The following MAP3K14 variants were observed in gnomAD, a reference collection of about 807,000 sequenced individuals.
MAP3K14 encodes the protein NF-kappa-beta-inducing kinase.
Under a neutral mutation model 99.2 loss-of-function variants are expected in MAP3K14, and 16 were observed. The ratio of observed to expected loss-of-function variants is 0.16; its 90% confidence interval spans 0.11 to 0.24. MAP3K14 has a LOEUF of 0.24. Ranked by LOEUF, MAP3K14 falls within the 10% of genes least tolerant of loss-of-function variation. MAP3K14 has a pLI of 1.00. For synonymous variants in MAP3K14, 462 were observed against 492.4 expected (o/e 0.94, Z 0.82); for missense variants, 784 against 1,208.7 (o/e 0.65, Z 5.21).
At chr17:45,300,688 C>T (rs961898575) in intron 1 of MAP3K14, among the ~76,000 whole-genome samples, 3 of 152,180 alleles carry the variant, frequency 2.0e-5, no homozygotes, top group African/African-American at 7.2e-5. Flanking sequence ...CCTCTATCCT[C>T]ATCCTCCTCC....
At chr17:45,299,708 T>C (rs1356285907) in intron 1 of MAP3K14, among the ~76,000 whole-genome samples, 2 of 152,170 alleles carry the variant, frequency 1.3e-5, no homozygotes, top group Non-Finnish European at 2.9e-5. Flanking sequence ...CATTTCCCAT[T>C]AAGGAGGATA....
chr17:45,287,454 C>T, intron 3 of MAP3K14, 90 bp from the exon 4 acceptor site: 2 of 1,106,478 alleles, frequency 1.8e-6, no homozygotes. Context: ...TCCTGCAGAT[C>T]CAAGGTCAAA....
intron 3 of MAP3K14, 108 bp from the exon 4 acceptor site, chr17:45,287,472 T>C: frequency 1.1e-6 from 1 of 885,510 alleles, no homozygotes; most frequent in South Asian, 1.7e-5. Context: ...AAATCCCAGG[T>C]TGCCATTCCT....
chr17:45,291,730 T>G (rs927521957), intron 1 of MAP3K14, among the ~76,000 whole-genome samples: 4 of 152,172 alleles, frequency 2.6e-5, no homozygotes, highest in African/African-American at 7.2e-5. Flanking sequence ...TGGGAGTTTT[T>G]AAAGGGCAGG....
intron 1 of MAP3K14, among the ~76,000 whole-genome samples, chr17:45,296,541 AG>A (rs2044347818): frequency 1.3e-5 from 2 of 151,842 alleles, no homozygotes; most frequent in African/African-American, 4.8e-5. Context: ...AAAGAAAAGG[AG>A]GGGAAAAAAA....
chr17:45,267,782 G>A lies in MAP3K14; in HGVS notation c.1973-23C>T, dbSNP rs373213575. 8 of 1,586,224 alleles carry A rather than the reference G, an allele frequency of 5.0e-6. No homozygotes were observed. In the African/African-American group the frequency reaches 8.1e-5, roughly 16 times the overall value. The stretch of plus-strand genomic sequence containing the variant: ...CCACTAGAAAACAGAGAGTACAATG[G>A]TGAGGGGAAGCGTGCTGTGCACAGA... On this transcript the variant is annotated intron_variant, in intron 11 of 15. Coordinates refer to ENST00000344686, the MANE Select transcript of MAP3K14 (RefSeq NM_003954.5). The surrounding 1 kb of genome is among the most constrained non-coding windows in gnomAD (Gnocchi z 5.1).
intron 1 of MAP3K14, among the ~76,000 whole-genome samples, chr17:45,293,384 G>A (rs1259233284): frequency 6.6e-6 from 1 of 152,192 alleles, no homozygotes; most frequent in Non-Finnish European, 1.5e-5. Flanking sequence ...GGCATCCCGA[G>A]TCCCAGAGTT....
Position 45,273,528 on chromosome 17 carries a change from A to C in MAP3K14, c.1632T>G (p.Asp544Glu). 6.2e-7 allele frequency: 1 copy of C among 1,612,522 alleles called. No individual in the cohort carries two copies. ...DFGHAVCLQP[D>E]GLGKSLLTGD... ...CTGTGAGCAAGGACTTTCCCAGGCC[A>C]TCAGGTTGAAGACACACAGCATGGC... The change falls in exon 9 of 16, where the codon GAT (aspartate) becomes GAG (glutamate). Residue 544 changes from aspartate (D) to glutamate (E), a missense_variant. Asp to Glu is a conservative substitution (Grantham distance 45). Around this residue, in one of 5 missense-constraint regions of MAP3K14, gnomAD observed 200 missense variants for 367.9 expected, o/e 0.54. Coordinates refer to ENST00000344686, the MANE Select transcript of MAP3K14 (RefSeq NM_003954.5).
At chr17:45,297,788 T>C (rs567848769) in intron 1 of MAP3K14, among the ~76,000 whole-genome samples, 2 of 151,200 alleles carry the variant, frequency 1.3e-5, no homozygotes, top group East Asian at 3.9e-4. Flanking sequence ...GGCACAATCT[T>C]GGCTCACTGC....
At chr17:45,280,887 A>G (rs9906671) in intron 6 of MAP3K14, among the ~76,000 whole-genome samples, 5,336 of 152,272 alleles carry the variant, frequency 0.035, 317 homozygotes, top group African/African-American at 0.12. Context: ...CTGGGATTAC[A>G]GGCGTGAGCT....
In MAP3K14 at chr17:45,267,360, CCAGGGCCAGTGCT is replaced by C; in HGVS notation, c.2326+33_2326+45del. 2 of 1,536,818 alleles carry C rather than the reference CCAGGGCCAGTGCT, an allele frequency of 1.3e-6. No homozygotes were observed. The highest frequency in any genetic ancestry group is 1.8e-6 in the Non-Finnish European group (2 of 1,136,892). On this transcript the variant is annotated intron_variant, in intron 12 of 15. Coordinates refer to ENST00000344686, the MANE Select transcript of MAP3K14 (RefSeq NM_003954.5). This position sits in a 1 kb window ranked among gnomAD's most constrained non-coding sequence, Gnocchi z 5.1. ...AGAAACACCGGCCTCCGCGGGTGGC[CCAGGGCCAGTGCT>C]CAGGGCCCCACTGCAGCCACGGCTG...
intron 1 of MAP3K14, among the ~76,000 whole-genome samples, chr17:45,296,385 C>A (rs1317871529): frequency 6.6e-6 from 1 of 152,010 alleles, no homozygotes; most frequent in Non-Finnish European, 1.5e-5. Context: ...ATTAGCCAGG[C>A]ATGGTGGCAC....
intron 1 of MAP3K14, among the ~76,000 whole-genome samples, chr17:45,316,413 A>C (rs1212058395): frequency 6.6e-6 from 1 of 152,214 alleles, no homozygotes; most frequent in African/African-American, 2.4e-5. Flanking sequence ...CTGGGGTCCG[A>C]GGGCGGAGGG....
In MAP3K14 at chr17:45,284,955, G is replaced by A. The variant is rs2143816278; in HGVS notation, c.1153-6C>T. The A allele has an allele frequency of 6.4e-7, 1 of 1,551,382 alleles. No homozygotes were observed. Among genetic ancestry groups the A allele is most frequent in the Non-Finnish European group, 8.7e-7 (1 of 1,146,724 alleles). On this transcript the variant is annotated splice_region_variant and splice_polypyrimidine_tract_variant and intron_variant, in intron 5 of 15. Transcript: ENST00000344686. ...TAATCCACTGGCTTGAGTTTCTGGG[G>A]TTGGCAGGAGAGAGAGGACAGTTTC...
rs34171366 is a variant in MAP3K14, at chr17:45,271,041, T to G, written c.1821+17A>C. ...CTGCAGCTCCCCCTGTTGGCCATGC[T>G]GGGTGCCGTCACCGACCTTGAGGCA... On this transcript the variant is annotated intron_variant, in intron 10 of 15. Transcript: ENST00000344686. The G allele has an allele frequency of 2.2e-3, 3,583 of 1,609,664 alleles. 76 individuals are homozygous for G. In the African/African-American group the frequency reaches 0.042, roughly 19 times the overall value.
intron 1 of MAP3K14, among the ~76,000 whole-genome samples, chr17:45,316,555 A>G (rs1032646708): frequency 6.6e-6 from 1 of 152,234 alleles, no homozygotes; most frequent in African/African-American, 2.4e-5. Context: ...GGCAGATGCC[A>G]GGGCGCACTC....
intron 6 of MAP3K14, among the ~76,000 whole-genome samples, chr17:45,275,593 C>T (rs538743885): frequency 1.3e-3 from 202 of 151,848 alleles, no homozygotes; most frequent in Non-Finnish European, 2.5e-3. Context: ...ATCTGCCAAA[C>T]GCAGAACATT....
intron 1 of MAP3K14, among the ~76,000 whole-genome samples, chr17:45,308,029 T>G (rs1232079759): frequency 6.6e-6 from 1 of 152,156 alleles, no homozygotes; most frequent in African/African-American, 2.4e-5. Flanking sequence ...ATTCTTGTCC[T>G]CCCTTGGGAA....
At chr17:45,280,480 T>C (rs544629495) in intron 6 of MAP3K14, among the ~76,000 whole-genome samples, 1 of 152,140 alleles carries the variant, frequency 6.6e-6, no homozygotes, top group South Asian at 2.1e-4. Flanking sequence ...ACTTTTTGTA[T>C]TTTTAATAGA....
Sources: allele counts gnomAD v4.1 joint callset (sites outside exome capture counted in the v4.1 genomes callset), GRCh38; gene constraint gnomAD v4.1.1; regional missense constraint gnomAD v4.1.1; non-coding constraint Gnocchi (gnomAD v3.1); transcripts MANE v1.5; gene names NCBI Gene and HGNC (gene_info 2026-07-23, HGNC 2026-07-21).